Variants in GPHN observed in about 807,000 individuals in gnomAD.
The protein encoded by GPHN is gephyrin.
GPHN carries 17 observed loss-of-function variants against 95.5 expected under a neutral mutation model. The ratio of observed to expected loss-of-function variants is 0.18; its 90% CI spans 0.12 to 0.27. The LOEUF (loss-of-function observed/expected upper bound fraction) is 0.27. GPHN is among the 10% of genes least tolerant of loss of function. The pLI, the probability that GPHN is intolerant of heterozygous loss-of-function variation, is 1.00. For missense variants in GPHN, 660 were observed against 978.1 expected, an observed-to-expected ratio of 0.67 and a Z score of 4.34; for synonymous variants, 320 against 322.5, an observed-to-expected ratio of 0.99 and a Z score of 0.08.
chr14:66,859,591 A>T (rs1291142780), intron 4 of GPHN, among the ~76,000 whole-genome samples: 3 of 152,228 alleles, frequency 2.0e-5, no homozygotes, highest in African/African-American at 7.2e-5. Flanking sequence ...AAGTATCACG[A>T]TCACCCAGGA....
At chr14:66,736,114 T>C (rs1294928688) in intron 2 of GPHN, among the ~76,000 whole-genome samples, 2 of 152,180 alleles carry the variant, frequency 1.3e-5, no homozygotes, top group South Asian at 2.1e-4. Context: ...ATCTACTATA[T>C]TGTGGATTTT....
chr14:67,285,974 TAATC>T, the GPHN span, among the ~76,000 whole-genome samples: 1 of 152,190 alleles, frequency 6.6e-6, no homozygotes, highest in African/African-American at 2.4e-5. Context: ...CTCTTTTAAA[TAATC>T]AAGAGTTAAA....
chr14:67,251,313 G>A, the GPHN span, among the ~76,000 whole-genome samples: 6 of 152,136 alleles, frequency 3.9e-5, no homozygotes, highest in African/African-American at 1.2e-4. Context: ...CAGGAGGACC[G>A]CTTGAGCCCA....
At chr14:67,443,578 G>GA in the GPHN span, among the ~76,000 whole-genome samples, 62 of 143,684 alleles carry the variant, frequency 4.3e-4, no homozygotes, top group Non-Finnish European at 4.7e-4. Flanking sequence ...AGACATTTAG[G>GA]AAAAAAAAAA....
At chr14:66,784,996 A>G (rs2059721624) in intron 3 of GPHN, among the ~76,000 whole-genome samples, 1 of 152,366 alleles carries the variant, frequency 6.6e-6, no homozygotes, top group East Asian at 1.9e-4. Flanking sequence ...TTCAAAAATG[A>G]TGACATAAGT....
At chr14:67,236,248 T>G in the GPHN span, among the ~76,000 whole-genome samples, 2 of 152,164 alleles carry the variant, frequency 1.3e-5, no homozygotes, top group Non-Finnish European at 2.9e-5. Context: ...CTCCAACTCA[T>G]GTCTATTTTT....
chr14:66,789,276 T>C (rs1447271842), intron 3 of GPHN, among the ~76,000 whole-genome samples: 1 of 152,230 alleles, frequency 6.6e-6, no homozygotes, highest in African/African-American at 2.4e-5. Flanking sequence ...TGCCTTCTTA[T>C]AATCTTTTAC....
the GPHN span, among the ~76,000 whole-genome samples, chr14:67,641,074 G>A: frequency 5.3e-5 from 8 of 152,338 alleles, no homozygotes; most frequent in East Asian, 1.3e-3. Flanking sequence ...TCAGAGTCAG[G>A]AAGATGGTGA....
rs1482537523 is a variant in GPHN at position 67,181,759 on chromosome 14, C to G, written c.*822C>G. On this transcript the variant is annotated 3_prime_UTR_variant, in exon 23 of 23. Transcript: ENST00000478722. The stretch of plus-strand genomic sequence containing the variant: ...TACCATAACATTTTCTGTAATGATA[C>G]TGAAACTTAATGAATAAAAAAATTC... 1 of 185,388 alleles carries G rather than the reference C, an allele frequency of 5.4e-6. No homozygotes were observed. Among genetic ancestry groups the G allele is most frequent in the Non-Finnish European group, 1.1e-5 (1 of 87,264 alleles). 11.5% of individuals were successfully genotyped at this position (185,388 alleles called of 1,614,324 possible). A position where few individuals can be genotyped will look rare whatever the true frequency, so the allele number is the denominator to read the frequency against.
At chr14:67,478,221 G>T in the GPHN span, among the ~76,000 whole-genome samples, 1 of 152,338 alleles carries the variant, frequency 6.6e-6, no homozygotes, top group East Asian at 1.9e-4. Context: ...CATGGCAAGG[G>T]CAGAGGCACA....
chr14:66,531,875 A>T (rs939899097), intron 1 of GPHN, among the ~76,000 whole-genome samples: 1 of 152,208 alleles, frequency 6.6e-6, no homozygotes, highest in African/African-American at 2.4e-5. Context: ...GTAAAAGACT[A>T]GATAGTGAAT....
chr14:66,874,036 G>T (rs918774020), intron 4 of GPHN, among the ~76,000 whole-genome samples: 1 of 152,198 alleles, frequency 6.6e-6, no homozygotes, highest in African/African-American at 2.4e-5. Flanking sequence ...GCCGCTCTGG[G>T]ACGAAGCTTC....
chr14:66,796,934 T>C (rs1190580045), intron 3 of GPHN, among the ~76,000 whole-genome samples: 1 of 151,954 alleles, frequency 6.6e-6, no homozygotes, highest in Non-Finnish European at 1.5e-5. Flanking sequence ...TGTTTTCTTG[T>C]AGTTTCATAG....
At chr14:66,537,686 T>C (rs1289244099) in intron 1 of GPHN, among the ~76,000 whole-genome samples, 1 of 152,226 alleles carries the variant, frequency 6.6e-6, no homozygotes, top group Non-Finnish European at 1.5e-5. Context: ...CCAGGATAAT[T>C]TTCCTTTAGC....
At chr14:67,646,613 G>C in the GPHN span, 1 of 1,525,660 alleles carries the variant, frequency 6.6e-7, no homozygotes, top group South Asian at 1.1e-5. Flanking sequence ...AAGAATTCTT[G>C]ATTAATCCTG....
At chr14:66,879,737 CT>C (rs2063840565) in intron 4 of GPHN, among the ~76,000 whole-genome samples, 1 of 151,988 alleles carries the variant, frequency 6.6e-6, no homozygotes, top group Non-Finnish European at 1.5e-5. Context: ...TAAAAATTTT[CT>C]TTATTTTCTT....
At chr14:67,333,616 T>G in the GPHN span, 1 of 152,608 alleles carries the variant, frequency 6.6e-6, no homozygotes, top group East Asian at 1.9e-4. Context: ...TGGATCAGAC[T>G]CTACACTCAA....
chr14:67,646,854 C>T, the GPHN span: 2 of 1,381,950 alleles, frequency 1.4e-6, no homozygotes, highest in Middle Eastern at 1.8e-4. Flanking sequence ...CCACCCTCTC[C>T]CCCAAATACA....
chr14:67,273,557 A>G, the GPHN span, among the ~76,000 whole-genome samples: 4 of 152,198 alleles, frequency 2.6e-5, no homozygotes, highest in African/African-American at 9.6e-5. Context: ...AGTCTTTGCT[A>G]TTGTGAATAG....
Sources: gnomAD v4.1 joint callset for allele counts (sites outside exome capture counted in the v4.1 genomes callset) on GRCh38, gnomAD v4.1.1 for gene constraint, MANE v1.5 for transcripts, NCBI Gene and HGNC (gene_info 2026-07-23, HGNC 2026-07-21) for gene names.